AGMO: variants seen among roughly 807,000 people sequenced by gnomAD.
AGMO encodes alkylglycerol monooxygenase.
In AGMO, 75 loss-of-function variants were observed where a neutral mutation model predicts 60.2. The ratio of observed to expected loss-of-function variants is 1.25; its 90% confidence interval spans 1.03 to 1.51. The LOEUF (loss-of-function observed/expected upper bound fraction) is 1.51, where lower values mean the gene tolerates loss of function less well. Ranked by LOEUF, AGMO falls within the 40% of genes most tolerant of loss-of-function variation. The pLI, the probability that AGMO is intolerant of heterozygous loss-of-function variation, is 0.00. For missense variants in AGMO, 763 were observed against 525.5 expected, an observed-to-expected ratio of 1.45 and a Z score of -4.42; for synonymous variants, 261 against 177.1, an observed-to-expected ratio of 1.47 and a Z score of -3.76.
chr7:15,253,368 G>A (rs929551699), intron 12 of AGMO, among the ~76,000 whole-genome samples: 3 of 152,082 alleles, frequency 2.0e-5, no homozygotes, highest in African/African-American at 7.3e-5. Flanking sequence ...TAAACAGGGA[G>A]TAAGACTATC....
intron 12 of AGMO, among the ~76,000 whole-genome samples, chr7:15,300,096 G>A (rs1224189620): frequency 6.6e-6 from 1 of 152,044 alleles, no homozygotes; most frequent in East Asian, 1.9e-4. Flanking sequence ...GGAAGTAATA[G>A]AAAGGAAATG....
intron 3 of AGMO, among the ~76,000 whole-genome samples, chr7:15,456,306 T>C (rs1161691474): frequency 8.5e-5 from 13 of 152,148 alleles, no homozygotes; most frequent in Admixed American, 8.5e-4. Flanking sequence ...TTTATGTTCC[T>C]TGCATTGTCT....
chr7:15,388,220 T>C (rs1244707327), intron 8 of AGMO, among the ~76,000 whole-genome samples: 1 of 152,174 alleles, frequency 6.6e-6, no homozygotes, highest in Non-Finnish European at 1.5e-5. Context: ...TCTGAAGCAA[T>C]TCAGAAATAA....
intron 2 of AGMO, among the ~76,000 whole-genome samples, chr7:15,552,421 T>A (rs1347328301): frequency 1.3e-5 from 2 of 151,854 alleles, no homozygotes; most frequent in East Asian, 3.9e-4. Context: ...AACCTACTCA[T>A]CTGACAAAGG....
the AGMO span, among the ~76,000 whole-genome samples, chr7:15,135,900 T>C: frequency 6.6e-6 from 1 of 151,664 alleles, no homozygotes; most frequent in Admixed American, 6.6e-5. Context: ...TAAATGTTCA[T>C]TTTTAAATTT....
At chr7:15,400,086 C>G (rs1326201859) in intron 5 of AGMO, among the ~76,000 whole-genome samples, 1 of 152,106 alleles carries the variant, frequency 6.6e-6, no homozygotes, top group Non-Finnish European at 1.5e-5. Context: ...ATTTCTCATA[C>G]TATATTGCAA....
intron 12 of AGMO, among the ~76,000 whole-genome samples, chr7:15,254,440 G>A (rs1193871914): frequency 5.9e-5 from 9 of 152,112 alleles, no homozygotes; most frequent in African/African-American, 1.9e-4. Context: ...TAACTGAGGT[G>A]AGGTGATATC....
At chr7:15,215,457 C>A (rs563393135) in intron 12 of AGMO, among the ~76,000 whole-genome samples, 1 of 151,900 alleles carries the variant, frequency 6.6e-6, no homozygotes, top group Non-Finnish European at 1.5e-5. Flanking sequence ...GGAATTCTCC[C>A]CCATGAGTTT....
At chr7:15,292,048 A>C (rs557355786) in intron 12 of AGMO, among the ~76,000 whole-genome samples, 1 of 134,940 alleles carries the variant, frequency 7.4e-6, no homozygotes, top group Admixed American at 8.2e-5. Context: ...TTTAGACTAT[A>C]ATCTGCAGAC....
chr7:15,201,111 T>C lies in AGMO; in HGVS notation c.*174A>G, dbSNP rs1399633239. ...GGGAAGTAACCAAAACTGACTTTAA[T>C]TTTTAATAGAAAATAACAAATGTGA... On this transcript the variant is annotated 3_prime_UTR_variant, in exon 13 of 13. Transcript: ENST00000342526. The C allele has an allele frequency of 4.5e-6, 2 of 447,102 alleles. No homozygotes were observed. Among genetic ancestry groups the C allele is most frequent in the East Asian group, 7.0e-5 (2 of 28,408 alleles). 27.7% of individuals were successfully genotyped at this position (447,102 alleles called of 1,614,324 possible).
chr7:15,122,516 A>G, the AGMO span, among the ~76,000 whole-genome samples: 1 of 152,232 alleles, frequency 6.6e-6, no homozygotes, highest in East Asian at 1.9e-4. Flanking sequence ...TTATTCTAAT[A>G]GGGATTTCAA....
chr7:15,141,635 C>T, the AGMO span, among the ~76,000 whole-genome samples: 1 of 151,990 alleles, frequency 6.6e-6, no homozygotes. Flanking sequence ...TTATGCAAGA[C>T]CTAGTTTAGT....
intron 12 of AGMO, among the ~76,000 whole-genome samples, chr7:15,235,055 C>T (rs938949434): frequency 6.6e-6 from 1 of 152,066 alleles, no homozygotes; most frequent in Admixed American, 6.6e-5. Context: ...CTTCATCTGC[C>T]TTGAATGACT....
intron 3 of AGMO, among the ~76,000 whole-genome samples, chr7:15,508,016 A>T (rs1402586886): frequency 2.0e-5 from 3 of 152,082 alleles, no homozygotes; most frequent in Admixed American, 2.0e-4. Flanking sequence ...AAATGGAAAT[A>T]AAATGAGATT....
intron 2 of AGMO, among the ~76,000 whole-genome samples, chr7:15,550,297 A>G (rs1447840328): frequency 0.02 from 3,025 of 151,538 alleles, 102 homozygotes; most frequent in African/African-American, 0.069. Context: ...GCTAGCAGAA[A>G]GCAAGAAATA....
At chr7:15,252,114 G>A (rs934607029) in intron 12 of AGMO, among the ~76,000 whole-genome samples, 2 of 152,208 alleles carry the variant, frequency 1.3e-5, no homozygotes, top group African/African-American at 4.8e-5. Context: ...TTCCCATGCA[G>A]TGAGGAAAGG....
chr7:15,410,417 T>C (rs1185931854), intron 5 of AGMO, among the ~76,000 whole-genome samples: 2 of 151,888 alleles, frequency 1.3e-5, no homozygotes, highest in African/African-American at 4.8e-5. Flanking sequence ...AACAATGTAC[T>C]TTATGATTAG....
At chr7:15,263,600 G>A (rs960397606) in intron 12 of AGMO, among the ~76,000 whole-genome samples, 1 of 151,982 alleles carries the variant, frequency 6.6e-6, no homozygotes, top group African/African-American at 2.4e-5. Context: ...GTCATTATAT[G>A]AAAAAATAAT....
the AGMO span, among the ~76,000 whole-genome samples, chr7:15,188,583 G>A: frequency 6.6e-6 from 1 of 152,074 alleles, no homozygotes; most frequent in Non-Finnish European, 1.5e-5. Flanking sequence ...AATGAGACTG[G>A]GTGATAACAG....
Sources: allele counts gnomAD v4.1 joint callset (sites outside exome capture counted in the v4.1 genomes callset), GRCh38; gene constraint gnomAD v4.1.1; transcripts MANE v1.5; gene names NCBI Gene and HGNC (gene_info 2026-07-23, HGNC 2026-07-21).